The following FHIT variants were observed in gnomAD, a reference collection of about 807,000 sequenced individuals.
FHIT encodes fragile histidine triad diadenosine triphosphatase, also known as bis(5'-adenosyl)-triphosphatase.
A neutral mutation model predicts 17.9 loss-of-function variants in FHIT; 19 were observed. The observed-to-expected ratio is 1.06, with a 90% CI of 0.74 to 1.56. The LOEUF (loss-of-function observed/expected upper bound fraction) is 1.56, where lower values mean the gene tolerates loss of function less well. Among genes scored for constraint, FHIT ranks in the 40% most tolerant of loss-of-function variants. The pLI, the probability that FHIT is intolerant of heterozygous loss-of-function variation, is 0.00. For missense variants in FHIT, 248 were observed against 189.2 expected, an observed-to-expected ratio of 1.31 and a Z score of -1.82; for synonymous variants, 81 against 69.7, an observed-to-expected ratio of 1.16 and a Z score of -0.81.
chr3:59,807,405 A>C (rs1243611523), intron 8 of FHIT, among the ~76,000 whole-genome samples: 3 of 152,206 alleles, frequency 2.0e-5, no homozygotes, highest in Non-Finnish European at 4.4e-5. Context: ...GTCATCAGCA[A>C]GAATAAGGTC....
chr3:61,232,721 C>T (rs2040136673), intron 1 of FHIT, among the ~76,000 whole-genome samples: 1 of 152,164 alleles, frequency 6.6e-6, no homozygotes, highest in South Asian at 2.1e-4. Flanking sequence ...AATTAAGATA[C>T]AGCTGCCTGC....
chr3:60,677,390 G>A lies in FHIT; in HGVS notation c.-17-140411C>T, dbSNP rs62251502. On this transcript the variant is annotated intron_variant, in intron 4 of 9. Coordinates refer to ENST00000492590, the MANE Select transcript of FHIT (RefSeq NM_002012.4). Reference sequence around the variant, plus strand: ...CATACACACATTATTCAGCTCCCACGTGTGAGGACATGTGGTATTTCACTA... The same window carrying A: ...CATACACACATTATTCAGCTCCCACATGTGAGGACATGTGGTATTTCACTA... 4.6e-5 allele frequency among the ~76,000 whole-genome samples: 7 copies of A among 151,952 alleles called. No homozygotes were observed. In the East Asian group the frequency reaches 5.8e-4, roughly 13 times the overall value.
intron 7 of FHIT, among the ~76,000 whole-genome samples, chr3:59,979,935 G>A (rs193178246): frequency 9.4e-4 from 143 of 152,262 alleles, no homozygotes; most frequent in Non-Finnish European, 1.3e-3. Context: ...GTCCTTCCCA[G>A]CATAATAAGG....
intron 5 of FHIT, among the ~76,000 whole-genome samples, chr3:60,497,257 AC>A (rs2034338528): frequency 6.6e-6 from 1 of 152,006 alleles, no homozygotes; most frequent in South Asian, 2.1e-4. Flanking sequence ...AGCCCTAAAA[AC>A]AGAGGAAGGA....
chr3:59,886,715 T>A (rs536875619), intron 8 of FHIT, among the ~76,000 whole-genome samples: 1 of 152,124 alleles, frequency 6.6e-6, no homozygotes, highest in Non-Finnish European at 1.5e-5. Flanking sequence ...ACCCAAACAC[T>A]TCCCATGAGG....
intron 4 of FHIT, among the ~76,000 whole-genome samples, chr3:60,667,795 A>G (rs560526482): frequency 6.6e-6 from 1 of 152,252 alleles, no homozygotes; most frequent in African/African-American, 2.4e-5. Context: ...GGCTACTTTT[A>G]TCAGCTGTGG....
chr3:59,826,721 G>T (rs1575556745), intron 8 of FHIT, among the ~76,000 whole-genome samples: 1 of 152,258 alleles, frequency 6.6e-6, no homozygotes, highest in South Asian at 2.1e-4. Flanking sequence ...TGGCATGCCT[G>T]GCCCCTGCCC....
chr3:60,241,986 A>G (rs533814365), intron 5 of FHIT, among the ~76,000 whole-genome samples: 6 of 152,220 alleles, frequency 3.9e-5, no homozygotes, highest in African/African-American at 9.6e-5. Flanking sequence ...CAATCAAATG[A>G]CTAATCACAA....
At chr3:60,204,620 T>C (rs916390448) in intron 5 of FHIT, among the ~76,000 whole-genome samples, 3 of 151,684 alleles carry the variant, frequency 2.0e-5, no homozygotes, top group Admixed American at 1.3e-4. Flanking sequence ...TGGGACAATA[T>C]AAAAAGCCAA....
chr3:60,841,184 T>C (rs1702715006), intron 3 of FHIT, among the ~76,000 whole-genome samples: 1 of 152,214 alleles, frequency 6.6e-6, no homozygotes, highest in African/African-American at 2.4e-5. Context: ...CTATTGTAAG[T>C]TGTCTTGTTT....
At chr3:60,394,526 G>A (rs17062966) in intron 5 of FHIT, among the ~76,000 whole-genome samples, 30,303 of 152,038 alleles carry the variant, frequency 0.2, 3,729 homozygotes, top group East Asian at 0.47. Flanking sequence ...AGGATGAAGC[G>A]GCAGTGGAGA....
In FHIT at chr3:60,603,372, T is replaced by C. The variant is rs367719440; in HGVS notation, c.-17-66393A>G. On this transcript the variant is annotated intron_variant, in intron 4 of 9. Coordinates refer to ENST00000492590, the MANE Select transcript of FHIT (RefSeq NM_002012.4). ...AACATCTTTATTGATAAAGCAGATA[T>C]ATTATGATCTCTGAATTATTCTCAT... Among the ~76,000 whole-genome samples the C allele has an allele frequency of 8.5e-5, 13 of 152,316 alleles. No homozygotes were observed. The East Asian group carries it at 2.3e-3, about 27-fold the overall frequency.
intron 4 of FHIT, among the ~76,000 whole-genome samples, chr3:60,704,770 A>G (rs2041332237): frequency 6.6e-6 from 1 of 152,208 alleles, no homozygotes; most frequent in Non-Finnish European, 1.5e-5. Context: ...TCGTCTGATT[A>G]ATCATTATAG....
At chr3:60,380,256 G>C (rs1700742083) in intron 5 of FHIT, among the ~76,000 whole-genome samples, 1 of 152,106 alleles carries the variant, frequency 6.6e-6, no homozygotes, top group East Asian at 1.9e-4. Context: ...TCACACAAGA[G>C]GCTGGCTGTT....
chr3:59,962,384 T>C lies in FHIT; in HGVS notation c.280-39970A>G, dbSNP rs147841260. Reference sequence around the variant, plus strand: ...AAGTTTAGTGAGAGCCAAAAGAAAATACAATCTATTTACAATAAACCTATA... The same window carrying C: ...AAGTTTAGTGAGAGCCAAAAGAAAACACAATCTATTTACAATAAACCTATA... On this transcript the variant is annotated intron_variant, in intron 7 of 9. Coordinates refer to ENST00000492590, the MANE Select transcript of FHIT (RefSeq NM_002012.4). Among the ~76,000 whole-genome samples, 529 of 152,300 alleles carry C rather than the reference T, an allele frequency of 3.5e-3. 5 individuals are homozygous for C. The highest frequency in any genetic ancestry group is 0.012 in the African/African-American group (497 of 41,564).
Position 60,066,592 on chromosome 3 carries a change from C to A in FHIT, c.104-52440G>T, listed in dbSNP as rs1408526771. ...ATCATGGGCCACCTTGTACTGTTCA[C>A]TGACTATTTGTTATAGGTTGATTTT... On this transcript the variant is annotated intron_variant, in intron 5 of 9. Coordinates refer to ENST00000492590, the MANE Select transcript of FHIT (RefSeq NM_002012.4). Among the ~76,000 whole-genome samples, 7 of 139,460 alleles carry A rather than the reference C, an allele frequency of 5.0e-5. No individual in the cohort carries two copies. The East Asian group carries it at 1.6e-3, about 32-fold the overall frequency. The allele number at this position is 139,460 out of a possible 152,430, so 91.5% of individuals were successfully genotyped here.
intron 4 of FHIT, among the ~76,000 whole-genome samples, chr3:60,546,996 T>C (rs2036389123): frequency 6.6e-6 from 1 of 152,150 alleles, no homozygotes; most frequent in Non-Finnish European, 1.5e-5. Context: ...AAAAATATTC[T>C]AGGAACTCTA....
At chr3:60,446,930 G>A (rs1443640346) in intron 5 of FHIT, among the ~76,000 whole-genome samples, 1 of 150,936 alleles carries the variant, frequency 6.6e-6, no homozygotes, top group Non-Finnish European at 1.5e-5. Flanking sequence ...TCTACCCAAG[G>A]CACCCATCTT....
intron 7 of FHIT, among the ~76,000 whole-genome samples, chr3:59,939,885 T>G (rs1441659225): frequency 6.6e-6 from 1 of 152,162 alleles, no homozygotes; most frequent in Non-Finnish European, 1.5e-5. Context: ...CTAGCTGGCA[T>G]GAATGTGTAA....
Sources: gnomAD v4.1 joint callset for allele counts (sites outside exome capture counted in the v4.1 genomes callset) on GRCh38, gnomAD v4.1.1 for gene constraint, MANE v1.5 for transcripts, NCBI Gene and HGNC (gene_info 2026-07-23, HGNC 2026-07-21) for gene names.